Variants in PDE8B observed in about 807,000 individuals in gnomAD.
The protein encoded by PDE8B is high affinity cAMP-specific and IBMX-insensitive 3',5'-cyclic phosphodiesterase 8B.
PDE8B carries 26 observed loss-of-function variants against 101.3 expected under a neutral mutation model. The observed-to-expected ratio is 0.26, with a 90% CI of 0.19 to 0.36. PDE8B has a LOEUF of 0.36. Ranked by LOEUF, PDE8B falls within the 10% of genes least tolerant of loss-of-function variation. The pLI, the probability that PDE8B is intolerant of heterozygous loss-of-function variation, is 1.00. For missense variants in PDE8B, 810 were observed against 1,163.1 expected, an observed-to-expected ratio of 0.70 and a Z score of 4.42; for synonymous variants, 424 against 429.3, an observed-to-expected ratio of 0.99 and a Z score of 0.15.
chr5:77,400,510 G>A (rs1363402221), intron 11 of PDE8B, among the ~76,000 whole-genome samples: 2 of 152,144 alleles, frequency 1.3e-5, no homozygotes, highest in Non-Finnish European at 2.9e-5. Flanking sequence ...CATACTGAAC[G>A]CCCTCCCCAT....
intron 10 of PDE8B, among the ~76,000 whole-genome samples, chr5:77,359,110 A>C (rs1782645351): frequency 6.6e-6 from 1 of 152,168 alleles, no homozygotes. Context: ...CTCTGAGGGC[A>C]CAAGATAAGC....
At chr5:77,305,666 G>A (rs1771032568) in intron 1 of PDE8B, among the ~76,000 whole-genome samples, 1 of 152,186 alleles carries the variant, frequency 6.6e-6, no homozygotes, top group South Asian at 2.1e-4. Flanking sequence ...GCAAAAGGCA[G>A]ACACAACCTT....
chr5:77,348,878 AG>A (rs1218139225), intron 7 of PDE8B, among the ~76,000 whole-genome samples: 7 of 151,924 alleles, frequency 4.6e-5, no homozygotes, highest in Non-Finnish European at 1.0e-4. Flanking sequence ...GGTGGAGTCT[AG>A]CTGTGTTTTC....
intron 10 of PDE8B, among the ~76,000 whole-genome samples, chr5:77,378,009 TACAC>T (rs3031820): frequency 0.026 from 3,553 of 134,442 alleles, 87 homozygotes; most frequent in African/African-American, 0.065. Flanking sequence ...CCTCTCTCTC[TACAC>T]ACACACACAC....
At chr5:77,337,583 T>C (rs941599243) in intron 6 of PDE8B, among the ~76,000 whole-genome samples, 6 of 152,240 alleles carry the variant, frequency 3.9e-5, no homozygotes, top group African/African-American at 1.4e-4. Flanking sequence ...GCTTAATTTT[T>C]GCACAATTAG....
the PDE8B span, among the ~76,000 whole-genome samples, chr5:77,126,109 A>AC: frequency 6.6e-6 from 1 of 152,002 alleles, no homozygotes; most frequent in Non-Finnish European, 1.5e-5. Flanking sequence ...ACACGGTGAA[A>AC]CCCCGTCTCT....
chr5:77,363,608 A>T (rs1783540516), intron 10 of PDE8B, among the ~76,000 whole-genome samples: 1 of 151,886 alleles, frequency 6.6e-6, no homozygotes, highest in African/African-American at 2.4e-5. Context: ...GCTTCTCAGA[A>T]GGCTGAGGCA....
intron 10 of PDE8B, among the ~76,000 whole-genome samples, chr5:77,381,653 C>T (rs942801243): frequency 1.2e-4 from 18 of 151,802 alleles, no homozygotes; most frequent in African/African-American, 4.1e-4. Flanking sequence ...ATGAACACAT[C>T]ATACTAAGAG....
At chr5:77,259,077 C>A (rs1759885773) in intron 1 of PDE8B, among the ~76,000 whole-genome samples, 1 of 83,526 alleles carries the variant, frequency 1.2e-5, no homozygotes, top group Non-Finnish European at 2.6e-5. Flanking sequence ...CACCCCCGCC[C>A]CCCCCCCACA....
At chr5:77,373,041 A>T (rs1260196038) in intron 10 of PDE8B, among the ~76,000 whole-genome samples, 1 of 144,926 alleles carries the variant, frequency 6.9e-6, no homozygotes, top group Non-Finnish European at 1.5e-5. Flanking sequence ...AAAAAAAAAA[A>T]GAATTTGTAG....
At chr5:77,365,768 TG>T (rs994672453) in intron 10 of PDE8B, among the ~76,000 whole-genome samples, 5 of 152,198 alleles carry the variant, frequency 3.3e-5, no homozygotes, top group African/African-American at 1.2e-4. Flanking sequence ...CTCTCCTCTC[TG>T]GACTCAGAGA....
At chr5:77,209,582 G>C (rs1037256301), upstream of PDE8B, among the ~76,000 whole-genome samples, 23 of 152,242 alleles carry the variant, frequency 1.5e-4, no homozygotes, top group African/African-American at 5.5e-4. Flanking sequence ...CTGTAACTCA[G>C]AGTTTACAAG....
chr5:77,272,793 C>G (rs962219055), intron 1 of PDE8B, among the ~76,000 whole-genome samples: 3 of 152,100 alleles, frequency 2.0e-5, no homozygotes, highest in Middle Eastern at 3.2e-3. Context: ...ACCGAAGGTC[C>G]TAGCAAGAGC....
At chr5:77,116,194 C>T in the PDE8B span, among the ~76,000 whole-genome samples, 1 of 144,478 alleles carries the variant, frequency 6.9e-6, no homozygotes, top group African/African-American at 2.6e-5. Context: ...TCTGAGAAGA[C>T]CGAGTTCTTC....
rs70988668 is a variant in PDE8B, at chr5:77,375,889, C to CTTTTTTTTTT, written c.1167+22494_1167+22503dup. ...TAATACTCACTTTGTGCCTTGATTT[C>CTTTTTTTTTT]TTTTTTTTTTTTTTTTTTTTGAGGC... On this transcript the variant is annotated intron_variant, in intron 10 of 21. Coordinates refer to ENST00000264917, the MANE Select transcript of PDE8B (RefSeq NM_003719.5). 4.4e-4 allele frequency among the ~76,000 whole-genome samples: 48 copies of CTTTTTTTTTT among 108,312 alleles called. 3 individuals carry two copies. Among genetic ancestry groups the CTTTTTTTTTT allele is most frequent in the Non-Finnish European group, 5.7e-4 (32 of 56,404 alleles). 71.1% of individuals were successfully genotyped at this position (108,312 alleles called of 152,430 possible).
At chr5:77,224,449 A>G (rs1057299055) in intron 1 of PDE8B, among the ~76,000 whole-genome samples, 2 of 152,188 alleles carry the variant, frequency 1.3e-5, no homozygotes, top group Non-Finnish European at 2.9e-5. Flanking sequence ...AATTAAGACT[A>G]TTCTTTTATT....
the PDE8B span, chr5:77,143,796 A>G: frequency 2.6e-5 from 4 of 151,242 alleles, no homozygotes; most frequent in Non-Finnish European, 5.9e-5. Context: ...CAGCTTGAAG[A>G]TGAGAGGTGC....
intron 3 of PDE8B, among the ~76,000 whole-genome samples, chr5:77,327,042 A>C (rs1776175602): frequency 6.6e-6 from 1 of 152,228 alleles, no homozygotes; most frequent in African/African-American, 2.4e-5. Flanking sequence ...CGGTCTATGC[A>C]GTTTAGAAGT....
chr5:77,091,215 T>C, the PDE8B span, among the ~76,000 whole-genome samples: 64 of 152,208 alleles, frequency 4.2e-4, no homozygotes, highest in Non-Finnish European at 8.8e-4. Flanking sequence ...AAATGATAAA[T>C]GTTCAAGGTG....
Sources: gnomAD v4.1 joint callset for allele counts (sites outside exome capture counted in the v4.1 genomes callset) on GRCh38, gnomAD v4.1.1 for gene constraint, MANE v1.5 for transcripts, NCBI Gene and HGNC (gene_info 2026-07-23, HGNC 2026-07-21) for gene names.